PPP2R2D: variants seen among roughly 807,000 people sequenced by gnomAD.
The protein encoded by PPP2R2D is serine/threonine-protein phosphatase 2A 55 kDa regulatory subunit B delta isoform.
In PPP2R2D, 9 loss-of-function variants were observed where a neutral mutation model predicts 31.1. The ratio of observed to expected loss-of-function variants is 0.29; its 90% CI spans 0.17 to 0.51. The LOEUF (loss-of-function observed/expected upper bound fraction) is 0.51. PPP2R2D is among the 20% of genes least tolerant of loss of function. PPP2R2D has a pLI of 0.98. For synonymous variants in PPP2R2D, 179 were observed against 172.6 expected, an observed-to-expected ratio of 1.04 and a Z score of -0.29; for missense variants, 391 against 465.6, an observed-to-expected ratio of 0.84 and a Z score of 1.48.
intron 2 of PPP2R2D, among the ~76,000 whole-genome samples, chr10:131,901,965 C>T (rs1328377846): frequency 1.3e-5 from 2 of 152,200 alleles, no homozygotes; most frequent in East Asian, 3.8e-4. Flanking sequence ...TAGTCTTGAA[C>T]TTCATGGTAT....
intron 2 of PPP2R2D, among the ~76,000 whole-genome samples, chr10:131,903,788 C>G (rs2035539778): frequency 6.6e-6 from 1 of 152,212 alleles, no homozygotes; most frequent in Non-Finnish European, 1.5e-5. Context: ...TGTATTAACA[C>G]CAGAGAGTCA....
chr10:131,910,507 C>T (rs905913289), intron 2 of PPP2R2D, among the ~76,000 whole-genome samples: 40 of 152,188 alleles, frequency 2.6e-4, no homozygotes, highest in African/African-American at 6.7e-4. Context: ...AAGTGAGGGA[C>T]GCAGTGTGTT....
chr10:131,931,997 G>A (rs74162809), intron 2 of PPP2R2D, among the ~76,000 whole-genome samples: 2,874 of 141,340 alleles, frequency 0.02, 96 homozygotes, highest in African/African-American at 0.068. Flanking sequence ...CTGCCCCCAC[G>A]TTTGTTAAAG....
At position 131,959,464 on chromosome 10, in the gene PPP2R2D, G is replaced by A. The variant is rs868982367; in HGVS notation, c.*3501G>A. On this transcript the variant is annotated 3_prime_UTR_variant, in exon 9 of 9. Coordinates refer to ENST00000455566, the MANE Select transcript of PPP2R2D (RefSeq NM_018461.5). Reference sequence around the variant, plus strand: ...AGATGAAGGCGTGTGCTGATCCCCGGTCCCCCTGTGGAGATGAAGGTGTGT... The same window carrying A: ...AGATGAAGGCGTGTGCTGATCCCCGATCCCCCTGTGGAGATGAAGGTGTGT... The A allele has an allele frequency of 3.5e-4, 37 of 105,248 alleles. No individual in the cohort carries two copies. Among genetic ancestry groups the A allele is most frequent in the South Asian group, 9.3e-4 (3 of 3,232 alleles). 6.5% of individuals were successfully genotyped at this position (105,248 alleles called of 1,614,324 possible). A position where few individuals can be genotyped will look rare whatever the true frequency, so the allele number is the denominator to read the frequency against.
chr10:131,910,871 G>A (rs2035670936), intron 2 of PPP2R2D, among the ~76,000 whole-genome samples: 1 of 152,152 alleles, frequency 6.6e-6, no homozygotes, highest in African/African-American at 2.4e-5. Flanking sequence ...ATCACCAGTG[G>A]CCAAACAGTC....
the PPP2R2D span, chr10:131,966,544 T>C: frequency 1.3e-5 from 2 of 152,222 alleles, no homozygotes; most frequent in Non-Finnish European, 2.9e-5. Flanking sequence ...CTCCCATCTG[T>C]CTAAAGCACT....
chr10:131,945,228 G>A lies in PPP2R2D; in HGVS notation c.656-67G>A, dbSNP rs1238493874. 3 of 1,529,716 alleles carry A rather than the reference G, an allele frequency of 2.0e-6. No homozygotes were observed. Among genetic ancestry groups the A allele is most frequent in the South Asian group, 2.5e-5 (2 of 80,634 alleles). 94.8% of individuals were successfully genotyped at this position (1,529,716 alleles called of 1,614,324 possible). On this transcript the variant is annotated intron_variant, in intron 6 of 8. Coordinates refer to ENST00000455566, the MANE Select transcript of PPP2R2D (RefSeq NM_018461.5). This position sits in a 1 kb window ranked among gnomAD's most constrained non-coding sequence, Gnocchi z 4.8. ...TGGATTATTTGGCGTCCTATTTCGC[G>A]TGACTGAATGTAGACTAATTAACAA... is the stretch of plus-strand genomic sequence containing the variant.
At chr10:131,942,974 C>T (rs1452110638) in intron 5 of PPP2R2D, among the ~76,000 whole-genome samples, 1 of 152,170 alleles carries the variant, frequency 6.6e-6, no homozygotes, top group Non-Finnish European at 1.5e-5. Context: ...TTCAGCCAGA[C>T]AAGACTCAGT....
At chr10:131,971,084 C>T in the PPP2R2D span, 1 of 945,524 alleles carries the variant, frequency 1.1e-6, no homozygotes, top group East Asian at 2.6e-5. Flanking sequence ...CCCAGAGGCA[C>T]ATGTCAGTGC....
At chr10:131,949,975 G>A (rs545169478) in intron 8 of PPP2R2D, among the ~76,000 whole-genome samples, 1 of 59,166 alleles carries the variant, frequency 1.7e-5, no homozygotes, top group African/African-American at 7.6e-5. Context: ...CGTGGAGACT[G>A]GAAAGGAGTC....
chr10:131,937,103 G>A (rs753270130), intron 3 of PPP2R2D, among the ~76,000 whole-genome samples: 8 of 152,200 alleles, frequency 5.3e-5, no homozygotes, highest in East Asian at 1.9e-4. Flanking sequence ...TCGAAGGAGC[G>A]TGGAGGATTC....
chr10:131,963,417 A>G (rs1301130352), downstream of PPP2R2D, among the ~76,000 whole-genome samples: 1 of 152,198 alleles, frequency 6.6e-6, no homozygotes, highest in Non-Finnish European at 1.5e-5. Flanking sequence ...ATCATTTTGG[A>G]TACTTGTTTC....
chr10:131,952,536 T>TGA (rs2036675996), intron 8 of PPP2R2D, among the ~76,000 whole-genome samples: 2 of 35,954 alleles, frequency 5.6e-5, no homozygotes, highest in African/African-American at 1.9e-4. Context: ...TGGTTCACTG[T>TGA]CTTAGTGACT....
Position 131,957,892 on chromosome 10 carries a change from G to A in PPP2R2D, c.*1929G>A, listed in dbSNP as rs2036839057. On this transcript the variant is annotated 3_prime_UTR_variant, in exon 9 of 9. Transcript: ENST00000455566. Reference sequence around the variant, plus strand: ...TGATCCCCTGTCCCCCTGTGGAGATGGTGTGTGCTGATCCCCGTCCCCCTG... The same window carrying A: ...TGATCCCCTGTCCCCCTGTGGAGATAGTGTGTGCTGATCCCCGTCCCCCTG... 6.9e-6 allele frequency: 1 copy of A among 145,144 alleles called. No homozygotes were observed. Among genetic ancestry groups the A allele is most frequent in the Non-Finnish European group, 1.5e-5 (1 of 68,758 alleles). 9.0% of individuals were successfully genotyped at this position (145,144 alleles called of 1,614,324 possible). A position where few individuals can be genotyped will look rare whatever the true frequency, so the allele number is the denominator to read the frequency against.
chr10:131,944,467 T>G (rs2036499322), intron 6 of PPP2R2D, among the ~76,000 whole-genome samples: 1 of 152,120 alleles, frequency 6.6e-6, no homozygotes, highest in Non-Finnish European at 1.5e-5. Context: ...CTAAATTTGC[T>G]AATGAATAAT....
chr10:131,918,314 T>C (rs1268263418), intron 2 of PPP2R2D, among the ~76,000 whole-genome samples: 229 of 110,160 alleles, frequency 2.1e-3, no homozygotes, highest in African/African-American at 7.4e-3. Context: ...GGATCTCACG[T>C]GGGTGGAATG....
intron 2 of PPP2R2D, among the ~76,000 whole-genome samples, chr10:131,902,039 T>G (rs2035508823): frequency 6.6e-6 from 1 of 152,202 alleles, no homozygotes. Flanking sequence ...CACAAAGTTT[T>G]AGGGTGGTGG....
chr10:131,901,390 G>T (rs2035491632), intron 2 of PPP2R2D, 60 bp downstream of exon 2: 2 of 347,240 alleles, frequency 5.8e-6, no homozygotes, highest in Non-Finnish European at 1.0e-5. Flanking sequence ...GCCCGGCCGC[G>T]CGCGGCCTCC....
Position 131,956,467 on chromosome 10 carries a change from A to G in PPP2R2D, c.*504A>G. Reference sequence around the variant, plus strand: ...GGCCCGAGCAGGCTCAGGCGGCCCCACTCACCCACAGCATCCGCCGCCACC... The same window carrying G: ...GGCCCGAGCAGGCTCAGGCGGCCCCGCTCACCCACAGCATCCGCCGCCACC... On this transcript the variant is annotated 3_prime_UTR_variant, in exon 9 of 9. Transcript: ENST00000455566. The G allele has an allele frequency of 1.0e-6, 1 of 985,436 alleles. No homozygotes were observed. Among genetic ancestry groups the G allele is most frequent in the Non-Finnish European group, 1.2e-6 (1 of 830,038 alleles). The allele number at this position is 985,436 out of a possible 1,614,324, so 61.0% of individuals were successfully genotyped here. A position where few individuals can be genotyped will look rare whatever the true frequency, so the allele number is the denominator to read the frequency against.
Sources: gnomAD v4.1 joint callset for allele counts (sites outside exome capture counted in the v4.1 genomes callset) on GRCh38, gnomAD v4.1.1 for gene constraint, Gnocchi (gnomAD v3.1) non-coding constraint, MANE v1.5 for transcripts, NCBI Gene and HGNC (gene_info 2026-07-23, HGNC 2026-07-21) for gene names.